The following AAGAB variants were observed in gnomAD, a reference collection of about 807,000 sequenced individuals.
The protein encoded by AAGAB is alpha- and gamma-adaptin-binding protein p34.
Under a neutral mutation model 44.1 loss-of-function variants are expected in AAGAB, and 38 were observed. That is an observed-to-expected ratio of 0.86 (90% CI 0.67 to 1.13). AAGAB has a LOEUF of 1.13. Ranked by LOEUF, AAGAB falls within the 50% of genes most tolerant of loss-of-function variation. AAGAB has a pLI of 0.00. For missense variants in AAGAB, 450 were observed against 373.8 expected (o/e 1.20, Z -1.68); for synonymous variants, 131 against 131.8 (o/e 0.99, Z 0.04).
intron 5 of AAGAB, among the ~76,000 whole-genome samples, chr15:67,217,306 T>C (rs943996779): frequency 6.6e-6 from 1 of 152,200 alleles, no homozygotes. Context: ...TCCAGAAACA[T>C]GAAGCCATTT....
chr15:67,221,746 T>G (rs771986163), intron 5 of AAGAB, among the ~76,000 whole-genome samples: 23 of 152,208 alleles, frequency 1.5e-4, no homozygotes, highest in African/African-American at 2.4e-4. Context: ...TCTCTGAATA[T>G]AGGAGCCTAC....
At chr15:67,254,943 T>TCCGTTCC, upstream of AAGAB, 1 of 1,613,488 alleles carries the variant, frequency 6.2e-7, no homozygotes, top group Non-Finnish European at 8.5e-7. Context: ...TCCATCTTAA[T>TCCGTTCC]CCAGGTGGGA....
At chr15:67,208,742 T>C (rs1176988668) in intron 6 of AAGAB, 84 bp from the exon 7 acceptor site, 1 of 1,200,342 alleles carries the variant, frequency 8.3e-7, no homozygotes, top group Non-Finnish European at 1.2e-6. Context: ...CTTTCAGTCC[T>C]TGGTTGGCTT....
chr15:67,217,138 C>T, intron 5 of AAGAB, among the ~76,000 whole-genome samples: 1 of 152,180 alleles, frequency 6.6e-6, no homozygotes, highest in Non-Finnish European at 1.5e-5. Flanking sequence ...AGACAACTGT[C>T]AGAGTATCCA....
At chr15:67,218,401 A>G (rs140540614) in intron 5 of AAGAB, among the ~76,000 whole-genome samples, 2 of 152,280 alleles carry the variant, frequency 1.3e-5, no homozygotes, top group African/African-American at 4.8e-5. Context: ...ACTGTACATA[A>G]TACTACCTTC....
At chr15:67,249,766 A>G (rs529084041) in intron 1 of AAGAB, among the ~76,000 whole-genome samples, 4 of 152,356 alleles carry the variant, frequency 2.6e-5, no homozygotes, top group East Asian at 3.9e-4. Flanking sequence ...TCCTATGCAT[A>G]TAAATCCTGA....
chr15:67,214,993 GA>G (rs1358287489), intron 5 of AAGAB, among the ~76,000 whole-genome samples: 2 of 151,638 alleles, frequency 1.3e-5, no homozygotes, highest in African/African-American at 4.8e-5. Flanking sequence ...AAAAAAAAAG[GA>G]AAAAAAGCAT....
At chr15:67,250,982 G>A (rs1293030074) in intron 1 of AAGAB, among the ~76,000 whole-genome samples, 1 of 152,152 alleles carries the variant, frequency 6.6e-6, no homozygotes, top group Non-Finnish European at 1.5e-5. Flanking sequence ...AGCCGAGATC[G>A]TGCCACTGCA....
At chr15:67,217,416 A>G (rs1382505454) in intron 5 of AAGAB, among the ~76,000 whole-genome samples, 1 of 152,246 alleles carries the variant, frequency 6.6e-6, no homozygotes, top group Non-Finnish European at 1.5e-5. Context: ...GTAACATTAG[A>G]GTCAAATTTG....
In AAGAB at chr15:67,224,843, A is replaced by G. The variant is rs901125298; in HGVS notation, c.535+6971T>C. ...TGATCTGCCCAACTTGGCCTCCGAA[A>G]GTGCTGGGATTACAGGCATGAGCCA... On this transcript the variant is annotated intron_variant, in intron 5 of 9. Transcript: ENST00000261880. Among the ~76,000 whole-genome samples, 47 of 152,110 alleles carry G rather than the reference A, an allele frequency of 3.1e-4. 1 individual carries two copies. The highest frequency in any genetic ancestry group is 3.0e-3 in the Admixed American group (46 of 15,270).
chr15:67,241,106 C>T (rs1311805432), intron 1 of AAGAB, among the ~76,000 whole-genome samples: 1 of 150,798 alleles, frequency 6.6e-6, no homozygotes, highest in African/African-American at 2.4e-5. Flanking sequence ...ACACACAACC[C>T]TTACCTTATG....
intron 5 of AAGAB, among the ~76,000 whole-genome samples, chr15:67,230,696 A>G (rs1466658939): frequency 6.6e-6 from 1 of 152,182 alleles, no homozygotes; most frequent in Non-Finnish European, 1.5e-5. Flanking sequence ...CTAGGGAACC[A>G]ATACAGACAG....
At chr15:67,207,037 A>G (rs1338889391) in intron 7 of AAGAB, among the ~76,000 whole-genome samples, 1 of 152,168 alleles carries the variant, frequency 6.6e-6, no homozygotes. Context: ...AACACAAAAC[A>G]AAATTAGCTG....
intron 5 of AAGAB, among the ~76,000 whole-genome samples, chr15:67,225,056 T>C (rs191022661): frequency 2.0e-5 from 3 of 152,336 alleles, no homozygotes; most frequent in East Asian, 1.9e-4. Flanking sequence ...GGCTGTATAT[T>C]TGAATCCCGG....
intron 1 of AAGAB, among the ~76,000 whole-genome samples, chr15:67,244,348 T>C (rs1161809799): frequency 6.6e-6 from 1 of 152,136 alleles, no homozygotes; most frequent in Non-Finnish European, 1.5e-5. Context: ...TAAGACATTA[T>C]TGAAAGTAAA....
chr15:67,236,951 G>T, intron 1 of AAGAB, 131 bp from the exon 2 acceptor site: 2 of 627,486 alleles, frequency 3.2e-6, no homozygotes, highest in East Asian at 2.8e-5. Context: ...AAAGGACCCT[G>T]CATTTATTAG....
At chr15:67,215,680 G>A (rs1951859534) in intron 5 of AAGAB, among the ~76,000 whole-genome samples, 1 of 152,144 alleles carries the variant, frequency 6.6e-6, no homozygotes, top group South Asian at 2.1e-4. Flanking sequence ...ATTTTTGAAT[G>A]ATATTCTTAA....
intron 5 of AAGAB, among the ~76,000 whole-genome samples, chr15:67,223,911 G>A (rs1964141093): frequency 6.6e-6 from 1 of 152,104 alleles, no homozygotes; most frequent in South Asian, 2.1e-4. Context: ...CCTGTCCCTG[G>A]TATGTTCTTC....
chr15:67,228,176 A>G (rs982746309), intron 5 of AAGAB, among the ~76,000 whole-genome samples: 1 of 152,268 alleles, frequency 6.6e-6, no homozygotes, highest in African/African-American at 2.4e-5. Context: ...TAGTTCTTTA[A>G]TATATGAACT....
Sources: gnomAD v4.1 joint callset for allele counts (sites outside exome capture counted in the v4.1 genomes callset) on GRCh38, gnomAD v4.1.1 for gene constraint, MANE v1.5 for transcripts, NCBI Gene and HGNC (gene_info 2026-07-23, HGNC 2026-07-21) for gene names.